RASA3: variants seen among roughly 807,000 people sequenced by gnomAD.
RASA3 encodes RAS p21 protein activator 3.
RASA3 carries 73 observed loss-of-function variants against 110.0 expected under a neutral mutation model. The observed-to-expected ratio is 0.66, with a 90% CI of 0.55 to 0.81. The LOEUF is 0.81. RASA3 is among the 30% of genes least tolerant of loss of function. The pLI is 0.00. For missense variants in RASA3, 976 were observed against 1,113.2 expected (o/e 0.88, Z 1.75); for synonymous variants, 500 against 451.4 (o/e 1.11, Z -1.37).
intron 1 of RASA3, among the ~76,000 whole-genome samples, chr13:114,131,939 C>T (rs72659592): frequency 6.6e-6 from 1 of 152,062 alleles, no homozygotes; most frequent in Non-Finnish European, 1.5e-5. Context: ...CGGGGCCTCA[C>T]GCCCCTGGGG....
Position 114,057,489 on chromosome 13 carries a change from A to C in RASA3, c.174-5334T>G. 5 of 985,408 alleles carry C rather than the reference A, an allele frequency of 5.1e-6. No homozygotes were observed. Among genetic ancestry groups the C allele is most frequent in the Non-Finnish European group, 6.0e-6 (5 of 829,924 alleles). 61.0% of individuals were successfully genotyped at this position (985,408 alleles called of 1,614,324 possible). A position where few individuals can be genotyped will look rare whatever the true frequency, so the allele number is the denominator to read the frequency against. On this transcript the variant is annotated intron_variant, in intron 2 of 23. Transcript: ENST00000334062. The surrounding 1 kb of genome is among the most constrained non-coding windows in gnomAD (Gnocchi z 5.0). The stretch of plus-strand genomic sequence containing the variant: ...GGAGCCAGTCTCTGTGCCAGAATAG[A>C]GGGTTCGTTCAGCTTCTTAGACCGA...
chr13:114,035,475 T>C (rs896111945), intron 4 of RASA3, among the ~76,000 whole-genome samples: 9 of 152,220 alleles, frequency 5.9e-5, no homozygotes, highest in African/African-American at 1.9e-4. Flanking sequence ...TGTACTCTGC[T>C]CAATTTCCCT....
Position 114,125,514 on chromosome 13 carries a change from A to G in RASA3, c.55+6921T>C, listed in dbSNP as rs114485009. Among the ~76,000 whole-genome samples, 560 of 152,320 alleles carry G rather than the reference A, an allele frequency of 3.7e-3. 3 individuals carry two copies. Among genetic ancestry groups the G allele is most frequent in the African/African-American group, 0.013 (534 of 41,556 alleles). ...ATCGTGAGAACAGCACCAAGGGGAT[A>G]GCGCTGAGCTGTTCATATAAATCCA... On this transcript the variant is annotated intron_variant, in intron 1 of 23. Transcript: ENST00000334062.
intron 4 of RASA3, among the ~76,000 whole-genome samples, chr13:114,034,827 C>T (rs747704147): frequency 1.3e-5 from 2 of 152,220 alleles, no homozygotes; most frequent in African/African-American, 2.4e-5. Context: ...AAGCGGGAGC[C>T]GTGCTCGGGG....
At chr13:114,034,842 G>A (rs1344050873) in intron 4 of RASA3, among the ~76,000 whole-genome samples, 1 of 152,258 alleles carries the variant, frequency 6.6e-6, no homozygotes, top group Non-Finnish European at 1.5e-5. Context: ...TCGGGGTGGA[G>A]GGGAATCTGG....
At chr13:113,997,809 T>C (rs2053290008) in intron 20 of RASA3, among the ~76,000 whole-genome samples, 1 of 152,252 alleles carries the variant, frequency 6.6e-6, no homozygotes, top group African/African-American at 2.4e-5. Flanking sequence ...TCTGCACTCA[T>C]CTGGGGAGGA....
Position 114,044,959 on chromosome 13 carries a change from T to G in RASA3, c.278-3865A>C, listed in dbSNP as rs866206757. ...TAATTTTAGAAGTACTTCACTTAATTTTTTAATAGGTAACACAGAAACAGA... is the reference window on the plus strand; with the variant it reads ...TAATTTTAGAAGTACTTCACTTAATGTTTTAATAGGTAACACAGAAACAGA... On this transcript the variant is annotated intron_variant, in intron 3 of 23. Coordinates refer to ENST00000334062, the MANE Select transcript of RASA3 (RefSeq NM_007368.4). Among the ~76,000 whole-genome samples the G allele has an allele frequency of 2.0e-5, 3 of 152,258 alleles. No homozygotes were observed. In the South Asian group the frequency reaches 6.2e-4, roughly 32 times the overall value.
intron 22 of RASA3, among the ~76,000 whole-genome samples, chr13:113,982,614 C>T (rs1359195172): frequency 6.6e-6 from 1 of 152,262 alleles, no homozygotes; most frequent in Non-Finnish European, 1.5e-5. Context: ...AGCGCCTGGG[C>T]ACGCACTCCC....
intron 21 of RASA3, among the ~76,000 whole-genome samples, chr13:113,995,307 G>T (rs879924035): frequency 6.6e-6 from 1 of 152,258 alleles, no homozygotes; most frequent in African/African-American, 2.4e-5. Context: ...ATTCTGGGGC[G>T]GTGGCCACGC....
chr13:114,020,819 G>A (rs1413795973), intron 9 of RASA3, among the ~76,000 whole-genome samples: 3 of 152,300 alleles, frequency 2.0e-5, no homozygotes, highest in Middle Eastern at 3.4e-3. Flanking sequence ...CCTGTAATGC[G>A]CCCTCAACAG....
At chr13:114,032,887 A>G (rs1283075088) in intron 4 of RASA3, among the ~76,000 whole-genome samples, 4 of 50,484 alleles carry the variant, frequency 7.9e-5, no homozygotes, top group Non-Finnish European at 1.1e-4. Context: ...CACACCCCAC[A>G]GCACCCCCAC....
At chr13:114,038,741 G>A (rs2054330957) in intron 4 of RASA3, among the ~76,000 whole-genome samples, 2 of 152,144 alleles carry the variant, frequency 1.3e-5, no homozygotes, top group Non-Finnish European at 2.9e-5. Flanking sequence ...AGAGGACGAG[G>A]GTTCCCGAGG....
Position 114,129,001 on chromosome 13 carries a change from A to C in RASA3, c.55+3434T>G, listed in dbSNP as rs572011392. On this transcript the variant is annotated intron_variant, in intron 1 of 23. Coordinates refer to ENST00000334062, the MANE Select transcript of RASA3 (RefSeq NM_007368.4). The stretch of plus-strand genomic sequence containing the variant: ...TTTATTGAACACATGTATCAAGATA[A>C]GGCGCCACATTTAAAAACAAGCAGT... 3.3e-5 allele frequency among the ~76,000 whole-genome samples: 5 copies of C among 152,324 alleles called. 1 individual carries two copies. The highest frequency in any genetic ancestry group is 1.2e-4 in the African/African-American group (5 of 41,570).
intron 1 of RASA3, among the ~76,000 whole-genome samples, chr13:114,116,071 A>T (rs1033552106): frequency 2.6e-5 from 4 of 152,224 alleles, no homozygotes; most frequent in Non-Finnish European, 5.9e-5. Flanking sequence ...GCCTGGCAGC[A>T]GCGCAGGGGC....
chr13:114,011,274 CTA>C lies in RASA3; in HGVS notation c.1513-28_1513-27del. The stretch of plus-strand genomic sequence containing the variant: ...CTGGGGAGGCGGGAGCAAGAAAGGT[CTA>C]TGTCAGCATCACAGAAATGCTGTGA... On this transcript the variant is annotated intron_variant, in intron 15 of 23. Coordinates refer to ENST00000334062, the MANE Select transcript of RASA3 (RefSeq NM_007368.4). The surrounding 1 kb of genome is among the most constrained non-coding windows in gnomAD (Gnocchi z 4.8). 1 of 1,579,652 alleles carries C rather than the reference CTA, an allele frequency of 6.3e-7. No homozygotes were observed. Among genetic ancestry groups the C allele is most frequent in the Non-Finnish European group, 8.7e-7 (1 of 1,151,920 alleles).
intron 2 of RASA3, 57 bp from the exon 3 acceptor site, chr13:114,052,212 C>T: frequency 1.7e-6 from 2 of 1,177,044 alleles, no homozygotes; most frequent in Non-Finnish European, 2.5e-6. Context: ...CGCCTCACCC[C>T]CGGGGCACAC....
rs1260819516 is a variant in RASA3 at position 113,996,704 on chromosome 13, G to A, written c.1968C>T (p.Tyr656=). The change falls in exon 21 of 24, where the codon TAC becomes TAT. Residue 656 remains tyrosine (Y), a synonymous_variant. Coordinates refer to ENST00000334062, the MANE Select transcript of RASA3 (RefSeq NM_007368.4). ...FQVIQPERAL[Y]IQANNCVEAK... is the part of the protein sequence containing the mutation. ...CCTCCACGCAGTTGTTGGCCTGGAT[G>A]TACAGCGCACGCTCTGGCTGGATGA... 4 of 1,613,800 alleles carry A rather than the reference G, an allele frequency of 2.5e-6. No homozygotes were observed. Among genetic ancestry groups the A allele is most frequent in the Non-Finnish European group, 3.4e-6 (4 of 1,180,020 alleles).
At chr13:114,043,837 G>GCCCCCCCCCCCCCCCCCCCCCCCCCT (rs544129523) in intron 3 of RASA3, among the ~76,000 whole-genome samples, 3 of 22,826 alleles carry the variant, frequency 1.3e-4, no homozygotes, top group Non-Finnish European at 2.1e-4. Context: ...CACTCGCTGA[G>GCCCCCCCCCCCCCCCCCCCCCCCCCT]CCCCCCGCCC....
chr13:114,121,492 A>T (rs540552343), intron 1 of RASA3, among the ~76,000 whole-genome samples: 1 of 152,258 alleles, frequency 6.6e-6, no homozygotes, highest in African/African-American at 2.4e-5. Context: ...AACACTGCAC[A>T]TCAAGCCGTG....
Sources: gnomAD v4.1 joint callset for allele counts (sites outside exome capture counted in the v4.1 genomes callset) on GRCh38, gnomAD v4.1.1 for gene constraint, Gnocchi (gnomAD v3.1) non-coding constraint, MANE v1.5 for transcripts, NCBI Gene and HGNC (gene_info 2026-07-23, HGNC 2026-07-21) for gene names.